The following GPRASP3 variants were observed in gnomAD, a reference collection of about 807,000 sequenced individuals.
GPRASP3 encodes the protein G protein-coupled receptor associated sorting protein family member 3.
At chrX:102,724,634 A>G in the GPRASP3 span, among the ~76,000 whole-genome samples, 1 of 109,936 alleles carries the variant, frequency 9.1e-6, no homozygotes, top group Non-Finnish European at 1.9e-5. Flanking sequence ...AAATACTTCT[A>G]AGTCCCAAAT....
the GPRASP3 span, among the ~76,000 whole-genome samples, chrX:102,722,353 G>A: frequency 1.8e-5 from 2 of 112,518 alleles, no homozygotes; most frequent in African/African-American, 3.2e-5. Context: ...GCAAGGTCCA[G>A]AAGGGTCCCA....
At chrX:102,750,520 A>G in the GPRASP3 span, 24 of 1,208,301 alleles carry the variant, frequency 2.0e-5, no homozygotes, top group Admixed American at 5.0e-4. Flanking sequence ...TGGTGTGGCC[A>G]TATTTATTAA....
At chrX:102,722,950 A>G in the GPRASP3 span, among the ~76,000 whole-genome samples, 2 of 111,574 alleles carry the variant, frequency 1.8e-5, no homozygotes, top group Non-Finnish European at 3.8e-5. Context: ...AACAATAGTT[A>G]TTATATATTT....
the GPRASP3 span, among the ~76,000 whole-genome samples, chrX:102,733,454 C>T: frequency 1.9e-5 from 2 of 103,324 alleles, no homozygotes; most frequent in Non-Finnish European, 3.9e-5. Context: ...GAGCGAAACT[C>T]CATCTCAAAA....
the GPRASP3 span, among the ~76,000 whole-genome samples, chrX:102,722,173 T>A: frequency 8.9e-6 from 1 of 111,899 alleles, no homozygotes; most frequent in Non-Finnish European, 1.9e-5. Flanking sequence ...TGGATCTCCA[T>A]GTCACCCACA....
the GPRASP3 span, among the ~76,000 whole-genome samples, chrX:102,733,696 C>A: frequency 4.6e-5 from 5 of 108,395 alleles, no homozygotes; most frequent in East Asian, 1.5e-3. Context: ...TTTGTCCATT[C>A]AGTTAACCCC....
the GPRASP3 span, among the ~76,000 whole-genome samples, chrX:102,730,649 G>A: frequency 9.0e-6 from 1 of 111,694 alleles, no homozygotes; most frequent in South Asian, 3.8e-4. Flanking sequence ...GAGGGGAAGA[G>A]GGAGGGTACA....
the GPRASP3 span, among the ~76,000 whole-genome samples, chrX:102,733,463 A>G: frequency 9.2e-6 from 1 of 108,907 alleles, no homozygotes; most frequent in Non-Finnish European, 1.9e-5. Flanking sequence ...TCCATCTCAA[A>G]AAAAAAAAAA....
the GPRASP3 span, among the ~76,000 whole-genome samples, chrX:102,725,549 C>T: frequency 1.0e-5 from 1 of 97,610 alleles, no homozygotes; most frequent in African/African-American, 3.9e-5. Flanking sequence ...TTTTTTGAGA[C>T]GGAGTCTCAC....
the GPRASP3 span, among the ~76,000 whole-genome samples, chrX:102,742,798 G>A: frequency 8.9e-6 from 1 of 111,984 alleles, no homozygotes; most frequent in Non-Finnish European, 1.9e-5. Context: ...ACAAGTCTCA[G>A]TCAATTGAGG....
chrX:102,727,585 C>T, the GPRASP3 span, among the ~76,000 whole-genome samples: 1 of 112,028 alleles, frequency 8.9e-6, no homozygotes, highest in Non-Finnish European at 1.9e-5. Flanking sequence ...AAAATGGCAT[C>T]CTTTTAGTAA....
the GPRASP3 span, among the ~76,000 whole-genome samples, chrX:102,727,645 C>G: frequency 8.9e-6 from 1 of 112,416 alleles, no homozygotes; most frequent in East Asian, 2.8e-4. Flanking sequence ...GGCTACAGCA[C>G]AAAGAGCACA....
chrX:102,729,946 C>T, the GPRASP3 span, among the ~76,000 whole-genome samples: 1 of 111,907 alleles, frequency 8.9e-6, no homozygotes, highest in African/African-American at 3.2e-5. Flanking sequence ...GCACCAGGGG[C>T]AGATTTCGTG....
At chrX:102,745,644 T>G in the GPRASP3 span, among the ~76,000 whole-genome samples, 1 of 111,155 alleles carries the variant, frequency 9.0e-6, no homozygotes, top group Non-Finnish European at 1.9e-5. Flanking sequence ...CAGTCCCTGG[T>G]TGGGGAGTTG....
chrX:102,734,000 T>C, the GPRASP3 span, among the ~76,000 whole-genome samples: 1 of 109,948 alleles, frequency 9.1e-6, no homozygotes, highest in Non-Finnish European at 1.9e-5. Flanking sequence ...TACAAGGTGC[T>C]CAGTGGGGGA....
chrX:102,729,767 G>A, the GPRASP3 span, among the ~76,000 whole-genome samples: 1 of 111,868 alleles, frequency 8.9e-6, no homozygotes, highest in Non-Finnish European at 1.9e-5. Context: ...CTACTCAGGA[G>A]GCTGAGGCAG....
the GPRASP3 span, among the ~76,000 whole-genome samples, chrX:102,746,759 A>G: frequency 8.9e-6 from 1 of 112,916 alleles, no homozygotes; most frequent in African/African-American, 3.2e-5. Flanking sequence ...GAGTGGGTGA[A>G]TTATGAAGAC....
the GPRASP3 span, chrX:102,749,508 G>T: frequency 1.7e-6 from 2 of 1,212,015 alleles, no homozygotes; most frequent in East Asian, 3.0e-5. Flanking sequence ...AGGAGGAAGA[G>T]AATGTTATTG....
At chrX:102,731,425 C>T in the GPRASP3 span, among the ~76,000 whole-genome samples, 1 of 111,428 alleles carries the variant, frequency 9.0e-6, no homozygotes, top group Non-Finnish European at 1.9e-5. Flanking sequence ...GGTTTGAGAC[C>T]AGCCTGACCA....
Sources: gnomAD v4.1 joint callset for allele counts (sites outside exome capture counted in the v4.1 genomes callset) on GRCh38, gnomAD v4.1.1 for gene constraint, MANE v1.5 for transcripts, NCBI Gene and HGNC (gene_info 2026-07-23, HGNC 2026-07-21) for gene names.